PSMB7: variants seen among roughly 807,000 people sequenced by gnomAD.
PSMB7 encodes proteasome subunit beta type-7.
Under a neutral mutation model 28.1 loss-of-function variants are expected in PSMB7, and 5 were observed. The observed-to-expected ratio is 0.18, with a 90% CI of 0.09 to 0.37. PSMB7 has a LOEUF of 0.37. Among genes scored for constraint, PSMB7 ranks in the 10% least tolerant of loss-of-function variants. The pLI is 1.00. For synonymous variants in PSMB7, 122 were observed against 123.7 expected (o/e 0.99, Z 0.09); for missense variants, 275 against 346.2 (o/e 0.79, Z 1.63).
intron 4 of PSMB7, among the ~76,000 whole-genome samples, chr9:124,408,352 CAT>C (rs1313114173): frequency 3.9e-5 from 6 of 152,290 alleles, no homozygotes; most frequent in African/African-American, 4.8e-5. Context: ...AATTAAATCA[CAT>C]GAGTACCCAA....
In PSMB7 at chr9:124,379,291, A is replaced by C. The variant is rs946127592; in HGVS notation, c.570+5307T>G. ...AGGTTACTCTCAGAATCACTAAGTAAAGTTGTGTTTAACACCTTTTTATCC... is the reference window on the plus strand; with the variant it reads ...AGGTTACTCTCAGAATCACTAAGTACAGTTGTGTTTAACACCTTTTTATCC... On this transcript the variant is annotated intron_variant, in intron 6 of 7. Coordinates refer to ENST00000259457, the MANE Select transcript of PSMB7 (RefSeq NM_002799.4). 5.9e-5 allele frequency among the ~76,000 whole-genome samples: 9 copies of C among 152,224 alleles called. 1 individual carries two copies. In the South Asian group the frequency reaches 1.5e-3, roughly 25 times the overall value.
At chr9:124,387,490 C>CAT (rs1830737210) in intron 5 of PSMB7, among the ~76,000 whole-genome samples, 1 of 149,602 alleles carries the variant, frequency 6.7e-6, no homozygotes, top group African/African-American at 2.6e-5. Flanking sequence ...TACATACATA[C>CAT]ACACACACAC....
intron 5 of PSMB7, among the ~76,000 whole-genome samples, chr9:124,387,419 A>G (rs550565182): frequency 1.4e-3 from 214 of 152,246 alleles, no homozygotes; most frequent in Non-Finnish European, 2.4e-3. Context: ...ACAAGTAAAC[A>G]TAGGACTTGG....
intron 5 of PSMB7, 56 bp downstream of exon 5, chr9:124,405,261 G>C: frequency 8.1e-7 from 1 of 1,238,918 alleles, no homozygotes; most frequent in Non-Finnish European, 1.2e-6. Context: ...AGCTCTTCAA[G>C]AGACCATCGT....
At chr9:124,399,418 C>T (rs748206795) in intron 5 of PSMB7, among the ~76,000 whole-genome samples, 8 of 152,072 alleles carry the variant, frequency 5.3e-5, no homozygotes, top group African/African-American at 9.7e-5. Flanking sequence ...CCAGGGGCAG[C>T]CAGGAGGGAA....
intron 6 of PSMB7, among the ~76,000 whole-genome samples, chr9:124,376,592 G>A (rs1177271851): frequency 6.6e-5 from 10 of 152,166 alleles, no homozygotes; most frequent in Non-Finnish European, 1.2e-4. Flanking sequence ...CCTCATCAGA[G>A]AAAAGAAACA....
intron 5 of PSMB7, among the ~76,000 whole-genome samples, chr9:124,392,659 T>A (rs949000013): frequency 4.5e-4 from 69 of 152,358 alleles, no homozygotes; most frequent in African/African-American, 1.6e-3. Flanking sequence ...GCAGCTATTT[T>A]ATACAATCAC....
At chr9:124,398,508 T>C (rs765947424) in intron 5 of PSMB7, 20 of 333,152 alleles carry the variant, frequency 6.0e-5, no homozygotes, top group South Asian at 5.1e-4. Flanking sequence ...AAAAATCACG[T>C]TGTTTTTGGG....
chr9:124,358,782 C>T (rs10469), intron 6 of PSMB7, among the ~76,000 whole-genome samples: 1 of 152,264 alleles, frequency 6.6e-6, no homozygotes, highest in Non-Finnish European at 1.5e-5. Flanking sequence ...ATTTAACTGT[C>T]TCCTCTGCTT....
At chr9:124,388,713 C>T (rs1830752401) in intron 5 of PSMB7, among the ~76,000 whole-genome samples, 1 of 152,124 alleles carries the variant, frequency 6.6e-6, no homozygotes, top group South Asian at 2.1e-4. Context: ...CCATACACAC[C>T]CCTGATACTC....
chr9:124,363,082 T>C (rs1830477834), intron 6 of PSMB7, among the ~76,000 whole-genome samples: 4 of 152,356 alleles, frequency 2.6e-5, no homozygotes, highest in Admixed American at 2.0e-4. Flanking sequence ...CCCAGGGAAC[T>C]AGCCTGGTGC....
At chr9:124,412,563 T>C (rs1398725991) in intron 3 of PSMB7, 71 bp from the exon 4 acceptor site, 1 of 1,529,536 alleles carries the variant, frequency 6.5e-7, no homozygotes, top group Non-Finnish European at 9.0e-7. Flanking sequence ...AATGGGTTCT[T>C]GGATAACTTC....
intron 5 of PSMB7, among the ~76,000 whole-genome samples, chr9:124,393,591 C>T (rs975279552): frequency 6.6e-6 from 1 of 152,182 alleles, no homozygotes; most frequent in Non-Finnish European, 1.5e-5. Flanking sequence ...CCTCAAAAAA[C>T]GGAGTTCCTT....
chr9:124,363,337 C>G (rs1226643011), intron 6 of PSMB7, among the ~76,000 whole-genome samples: 1 of 152,162 alleles, frequency 6.6e-6, no homozygotes, highest in Non-Finnish European at 1.5e-5. Context: ...CTGATGTGGC[C>G]TGAAGACTCA....
At chr9:124,369,058 C>T (rs1417049582) in intron 6 of PSMB7, among the ~76,000 whole-genome samples, 1 of 152,184 alleles carries the variant, frequency 6.6e-6, no homozygotes, top group Non-Finnish European at 1.5e-5. Context: ...ATTCTGTTAT[C>T]ACCAAGGTTC....
chr9:124,387,821 GA>G (rs1830741597), intron 5 of PSMB7, among the ~76,000 whole-genome samples: 2 of 151,548 alleles, frequency 1.3e-5, no homozygotes, highest in East Asian at 3.9e-4. Context: ...GCAATTGCCT[GA>G]AGTGACAAGA....
Position 124,353,842 on chromosome 9 carries a change from C to T in PSMB7, c.723-133G>A, listed in dbSNP as rs936695480. Reference sequence around the variant, plus strand: ...GGAATCTTGGCTCTCCCGATCCCAGCTCTGTGATCTTGGGGGATTCAACTT... The same window carrying T: ...GGAATCTTGGCTCTCCCGATCCCAGTTCTGTGATCTTGGGGGATTCAACTT... On this transcript the variant is annotated intron_variant, in intron 7 of 7. Transcript: ENST00000259457. The T allele has an allele frequency of 5.7e-6, 4 of 702,700 alleles. No individual in the cohort carries two copies. The African/African-American group carries it at 7.2e-5, about 13-fold the overall frequency. The allele number at this position is 702,700 out of a possible 1,614,324, so 43.5% of individuals were successfully genotyped here.
At chr9:124,413,509 A>G (rs1831053114) in intron 3 of PSMB7, among the ~76,000 whole-genome samples, 1 of 152,242 alleles carries the variant, frequency 6.6e-6, no homozygotes, top group Non-Finnish European at 1.5e-5. Flanking sequence ...AAAATCCAGT[A>G]TGGCAGAAGA....
chr9:124,408,545 C>A lies in PSMB7; in HGVS notation c.396-3113G>T, dbSNP rs150500391. 3.4e-3 allele frequency among the ~76,000 whole-genome samples: 515 copies of A among 152,142 alleles called. 3 individuals are homozygous for A. Among genetic ancestry groups the A allele is most frequent in the African/African-American group, 0.011 (463 of 41,504 alleles). The stretch of plus-strand genomic sequence containing the variant: ...TCTTAAGCTTTTATGGGTCAGAGAG[C>A]CCTCTTAAAAATTGATTAAAATTGT... On this transcript the variant is annotated intron_variant, in intron 4 of 7. Coordinates refer to ENST00000259457, the MANE Select transcript of PSMB7 (RefSeq NM_002799.4).
Sources: allele counts gnomAD v4.1 joint callset (sites outside exome capture counted in the v4.1 genomes callset), GRCh38; gene constraint gnomAD v4.1.1; transcripts MANE v1.5; gene names NCBI Gene and HGNC (gene_info 2026-07-23, HGNC 2026-07-21).